Variants in PHYHIPL observed in about 807,000 individuals in gnomAD.
PHYHIPL encodes the protein phytanoyl-CoA hydroxylase-interacting protein-like.
A neutral mutation model predicts 33.4 loss-of-function variants in PHYHIPL; 9 were observed. The ratio of observed to expected loss-of-function variants is 0.27; its 90% confidence interval spans 0.16 to 0.47. PHYHIPL has a LOEUF of 0.47. Ranked by LOEUF, PHYHIPL falls within the 20% of genes least tolerant of loss-of-function variation. The pLI is 0.99. For missense variants in PHYHIPL, 365 were observed against 460.7 expected (o/e 0.79, Z 1.90); for synonymous variants, 153 against 154.1 (o/e 0.99, Z 0.05).
At chr10:59,189,304 C>T (rs1234219909) in intron 1 of PHYHIPL, among the ~76,000 whole-genome samples, 2 of 151,916 alleles carry the variant, frequency 1.3e-5, no homozygotes, top group Non-Finnish European at 2.9e-5. Flanking sequence ...ATGAATCCAA[C>T]AGAAGTAAAA....
At chr10:59,188,564 G>T (rs1838686770) in intron 1 of PHYHIPL, among the ~76,000 whole-genome samples, 1 of 151,982 alleles carries the variant, frequency 6.6e-6, no homozygotes, top group East Asian at 1.9e-4. Flanking sequence ...TTGACAGTGG[G>T]GTGTTAAAGT....
At chr10:59,212,030 T>C (rs1166555679) in intron 1 of PHYHIPL, among the ~76,000 whole-genome samples, 1 of 152,102 alleles carries the variant, frequency 6.6e-6, no homozygotes, top group Non-Finnish European at 1.5e-5. Flanking sequence ...TTAATCCATT[T>C]ATGGATTAAT....
intron 4 of PHYHIPL, among the ~76,000 whole-genome samples, chr10:59,242,533 C>A (rs11006412): frequency 1.3e-5 from 2 of 151,822 alleles, no homozygotes; most frequent in African/African-American, 2.4e-5. Context: ...CACCAAGAAC[C>A]AGGAAAATCT....
chr10:59,200,756 C>A (rs1052860347), intron 1 of PHYHIPL, among the ~76,000 whole-genome samples: 29 of 151,986 alleles, frequency 1.9e-4, no homozygotes, highest in African/African-American at 6.5e-4. Context: ...GTCTATTTAG[C>A]CATTCAACTT....
chr10:59,213,139 T>A (rs1465164903), intron 1 of PHYHIPL, among the ~76,000 whole-genome samples: 2 of 152,078 alleles, frequency 1.3e-5, no homozygotes, highest in Admixed American at 6.6e-5. Flanking sequence ...AAGGAGCTGG[T>A]AAATATATTT....
intron 1 of PHYHIPL, among the ~76,000 whole-genome samples, chr10:59,232,354 T>C (rs896978037): frequency 2.0e-5 from 3 of 152,020 alleles, no homozygotes; most frequent in African/African-American, 7.2e-5. Context: ...ATTTTTAATA[T>C]AACAAATTCT....
At chr10:59,238,294 T>G (rs1308300888) in intron 3 of PHYHIPL, among the ~76,000 whole-genome samples, 1 of 151,978 alleles carries the variant, frequency 6.6e-6, no homozygotes, top group Non-Finnish European at 1.5e-5. Context: ...GGATATTACT[T>G]GGGTTATGAA....
rs189959741 is a variant in PHYHIPL at position 59,224,862 on chromosome 10, C to T, written c.107-9442C>T. ...AAAGATTGAGAAATATTGACTAGAC[C>T]TCTAAAGCCATACTCAGAAAGAGGA... is the stretch of plus-strand genomic sequence containing the variant. On this transcript the variant is annotated intron_variant, in intron 1 of 4. Transcript: ENST00000373880. Among the ~76,000 whole-genome samples, 223 of 152,002 alleles carry T rather than the reference C, an allele frequency of 1.5e-3. 2 individuals carry two copies. Among genetic ancestry groups the T allele is most frequent in the East Asian group, 1.2e-3 (6 of 5,152 alleles).
intron 4 of PHYHIPL, among the ~76,000 whole-genome samples, chr10:59,242,100 C>A (rs1049670433): frequency 6.6e-6 from 1 of 152,190 alleles, no homozygotes; most frequent in African/African-American, 2.4e-5. Context: ...TAAGGGGACA[C>A]CCTTCTCCTT....
intron 1 of PHYHIPL, among the ~76,000 whole-genome samples, chr10:59,182,752 ATT>A (rs1248613812): frequency 1.3e-5 from 2 of 152,162 alleles, no homozygotes; most frequent in African/African-American, 2.4e-5. Context: ...GCTTCAGCAT[ATT>A]CTGTATATGT....
chr10:59,223,127 T>G (rs1839825876), intron 1 of PHYHIPL, among the ~76,000 whole-genome samples: 1 of 152,220 alleles, frequency 6.6e-6, no homozygotes, highest in South Asian at 2.1e-4. Flanking sequence ...ATTGGGATAT[T>G]AGCATAATGG....
intron 4 of PHYHIPL, among the ~76,000 whole-genome samples, chr10:59,239,897 A>G (rs1215471931): frequency 2.6e-5 from 4 of 152,138 alleles, no homozygotes; most frequent in African/African-American, 9.6e-5. Flanking sequence ...AGGACTATGT[A>G]TGAAAAATAT....
At chr10:59,207,745 G>A (rs545529701) in intron 1 of PHYHIPL, among the ~76,000 whole-genome samples, 1 of 152,100 alleles carries the variant, frequency 6.6e-6, no homozygotes, top group East Asian at 1.9e-4. Flanking sequence ...CAAAAAATTA[G>A]CTGGGCGTGG....
At chr10:59,238,444 A>T in intron 3 of PHYHIPL, 144 bp from the exon 4 acceptor site, 1 of 448,426 alleles carries the variant, frequency 2.2e-6, no homozygotes, top group Non-Finnish European at 4.0e-6. Context: ...ACAGACAATG[A>T]ATATTTTCTT....
At chr10:59,217,972 G>T (rs1006489818) in intron 1 of PHYHIPL, among the ~76,000 whole-genome samples, 2 of 152,040 alleles carry the variant, frequency 1.3e-5, no homozygotes, top group African/African-American at 4.8e-5. Flanking sequence ...CTACTTTCCA[G>T]TTGACCGTCC....
At chr10:59,190,013 A>G in intron 1 of PHYHIPL, among the ~76,000 whole-genome samples, 1 of 151,956 alleles carries the variant, frequency 6.6e-6, no homozygotes, top group East Asian at 1.9e-4. Context: ...TAGATTTCAA[A>G]CTTTCTAATT....
upstream of PHYHIPL, among the ~76,000 whole-genome samples, chr10:59,173,811 T>C (rs1278733890): frequency 6.6e-6 from 1 of 151,016 alleles, no homozygotes; most frequent in Non-Finnish European, 1.5e-5. Context: ...GTGGTTTCTA[T>C]AACCCACGTT....
chr10:59,175,803 A>G (rs1336939861), upstream of PHYHIPL, among the ~76,000 whole-genome samples: 1 of 152,108 alleles, frequency 6.6e-6, no homozygotes, highest in Non-Finnish European at 1.5e-5. Context: ...TGCTGTTTAT[A>G]CTCCCTTCAT....
At chr10:59,184,456 C>T (rs1699916840) in intron 1 of PHYHIPL, among the ~76,000 whole-genome samples, 1 of 152,062 alleles carries the variant, frequency 6.6e-6, no homozygotes, top group African/African-American at 2.4e-5. Context: ...ACTGTGTACT[C>T]ATCTTACTTT....
Sources: allele counts gnomAD v4.1 joint callset (sites outside exome capture counted in the v4.1 genomes callset), GRCh38; gene constraint gnomAD v4.1.1; transcripts MANE v1.5; gene names NCBI Gene and HGNC (gene_info 2026-07-23, HGNC 2026-07-21).